The following CIMAP2 variants were observed in gnomAD, a reference collection of about 807,000 sequenced individuals.
CIMAP2 encodes the protein ciliary microtubule-associated protein 2.
the CIMAP2 span, among the ~76,000 whole-genome samples, chr1:54,818,980 T>C: frequency 6.6e-6 from 1 of 152,196 alleles, no homozygotes; most frequent in Non-Finnish European, 1.5e-5. Context: ...TCCAAGTTCC[T>C]TTTTTTCTTT....
chr1:54,829,871 AT>A, the CIMAP2 span, among the ~76,000 whole-genome samples: 5 of 148,946 alleles, frequency 3.4e-5, no homozygotes, highest in Admixed American at 6.7e-5. Context: ...CATTGTCCCC[AT>A]TTTTTTTTCA....
chr1:54,837,054 T>A, the CIMAP2 span, among the ~76,000 whole-genome samples: 1,674 of 152,176 alleles, frequency 0.011, 16 homozygotes, highest in Non-Finnish European at 0.018. Flanking sequence ...GAATTACCAG[T>A]TGCTCAGGTA....
the CIMAP2 span, among the ~76,000 whole-genome samples, chr1:54,821,200 A>T: frequency 8.0e-5 from 12 of 149,202 alleles, no homozygotes; most frequent in East Asian, 2.4e-3. Flanking sequence ...CACTCTATTG[A>T]TTCTTTTGCT....
the CIMAP2 span, among the ~76,000 whole-genome samples, chr1:54,828,164 G>A: frequency 6.6e-6 from 1 of 152,150 alleles, no homozygotes; most frequent in East Asian, 1.9e-4. Context: ...TATTACAATT[G>A]ATAATGATAT....
At chr1:54,841,382 T>C in the CIMAP2 span, among the ~76,000 whole-genome samples, 1 of 152,142 alleles carries the variant, frequency 6.6e-6, no homozygotes, top group East Asian at 1.9e-4. Flanking sequence ...TGGGAAAGAA[T>C]TGGAGCAGTG....
At chr1:54,807,209 C>G in the CIMAP2 span, 3 of 1,100,410 alleles carry the variant, frequency 2.7e-6, no homozygotes, top group Non-Finnish European at 4.1e-6. Flanking sequence ...CAGCACAGAG[C>G]TGGACCCACA....
the CIMAP2 span, among the ~76,000 whole-genome samples, chr1:54,811,548 G>A: frequency 6.6e-6 from 1 of 152,166 alleles, no homozygotes; most frequent in Admixed American, 6.5e-5. Flanking sequence ...AGGAGGCAGT[G>A]AGATATAACT....
chr1:54,841,081 G>C, the CIMAP2 span, among the ~76,000 whole-genome samples: 2 of 152,198 alleles, frequency 1.3e-5, no homozygotes, highest in Non-Finnish European at 2.9e-5. Context: ...AGACCCACTG[G>C]ATGGTGGGAA....
the CIMAP2 span, chr1:54,811,765 G>GCGGGGGGGGGGGGGCCCCCCCCCC: frequency 6.9e-6 from 9 of 1,301,320 alleles, no homozygotes; most frequent in Non-Finnish European, 8.7e-6. Context: ...GGTTCTGACA[G>GCGGGGGGGGGGGGGCCCCCCCCCC]CCTCCATGCC....
chr1:54,807,071 T>A, the CIMAP2 span: 1 of 1,613,542 alleles, frequency 6.2e-7, no homozygotes, highest in South Asian at 1.1e-5. Flanking sequence ...CCACGCGTTA[T>A]TCTACCCAAG....
chr1:54,819,510 G>A, the CIMAP2 span, among the ~76,000 whole-genome samples: 3 of 152,194 alleles, frequency 2.0e-5, no homozygotes, highest in Admixed American at 2.0e-4. Flanking sequence ...GCAACTATAG[G>A]TGCGTGCCAC....
the CIMAP2 span, among the ~76,000 whole-genome samples, chr1:54,819,828 TTCTTTCTTTC>T: frequency 0.012 from 1,624 of 134,744 alleles, 58 homozygotes; most frequent in East Asian, 0.11. Flanking sequence ...TTCTTTCTCT[TTCTTTCTTTC>T]TCTTTCTTTC....
the CIMAP2 span, among the ~76,000 whole-genome samples, chr1:54,810,615 T>C: frequency 6.4e-4 from 97 of 152,226 alleles, 1 homozygote; most frequent in African/African-American, 2.3e-3. Flanking sequence ...GGCTCAGAGG[T>C]AGGGCATGGC....
the CIMAP2 span, among the ~76,000 whole-genome samples, chr1:54,824,037 T>G: frequency 6.6e-6 from 1 of 152,150 alleles, no homozygotes; most frequent in Non-Finnish European, 1.5e-5. Flanking sequence ...GACTTTTTTT[T>G]TTAAGACAAG....
At chr1:54,814,993 CCAAGGGGTCAGGTG>C in the CIMAP2 span, 1 of 1,614,148 alleles carries the variant, frequency 6.2e-7, no homozygotes, top group Non-Finnish European at 8.5e-7. Flanking sequence ...CTGTTGACCT[CCAAGGGGTCAGGTG>C]CAAAGGCCTG....
chr1:54,832,345 T>C, the CIMAP2 span, among the ~76,000 whole-genome samples: 1 of 137,564 alleles, frequency 7.3e-6, no homozygotes, highest in African/African-American at 2.9e-5. Flanking sequence ...TAAGAAAATC[T>C]CATTTAAAAT....
chr1:54,817,207 G>A, the CIMAP2 span: 5 of 1,545,880 alleles, frequency 3.2e-6, no homozygotes, highest in Non-Finnish European at 4.4e-6. Flanking sequence ...CCCATGTTTG[G>A]TTCCCATGGG....
At chr1:54,838,155 T>G in the CIMAP2 span, among the ~76,000 whole-genome samples, 1 of 152,028 alleles carries the variant, frequency 6.6e-6, no homozygotes, top group African/African-American at 2.4e-5. Flanking sequence ...AATCAAAGGT[T>G]GACTGTGTGC....
the CIMAP2 span, among the ~76,000 whole-genome samples, chr1:54,811,465 G>A: frequency 1.3e-5 from 2 of 152,156 alleles, no homozygotes; most frequent in African/African-American, 4.8e-5. Context: ...GAGGGAAGAA[G>A]GTTGGGCAGA....
Sources: allele counts gnomAD v4.1 joint callset (sites outside exome capture counted in the v4.1 genomes callset), GRCh38; gene constraint gnomAD v4.1.1; transcripts MANE v1.5; gene names NCBI Gene and HGNC (gene_info 2026-07-23, HGNC 2026-07-21).